SPOCK1: variants seen among roughly 807,000 people sequenced by gnomAD.
The protein encoded by SPOCK1 is testican-1.
A neutral mutation model predicts 55.3 loss-of-function variants in SPOCK1; 23 were observed. The ratio of observed to expected loss-of-function variants is 0.42; its 90% CI spans 0.30 to 0.59. The LOEUF (loss-of-function observed/expected upper bound fraction) is 0.59, where lower values mean the gene tolerates loss of function less well. SPOCK1 is among the 20% of genes least tolerant of loss of function. SPOCK1 has a pLI of 0.22. For missense variants in SPOCK1, 499 were observed against 552.5 expected (o/e 0.90, Z 0.97); for synonymous variants, 226 against 221.0 (o/e 1.02, Z -0.20).
intron 2 of SPOCK1, among the ~76,000 whole-genome samples, chr5:137,300,222 A>G (rs1292935905): frequency 6.6e-6 from 1 of 152,108 alleles, no homozygotes; most frequent in Non-Finnish European, 1.5e-5. Context: ...TAGAATTTTC[A>G]TTTTTAAAAT....
intron 5 of SPOCK1, 93 bp downstream of exon 5, chr5:137,112,342 C>T (rs752861549): frequency 1.4e-4 from 218 of 1,508,062 alleles, no homozygotes; most frequent in Non-Finnish European, 1.8e-4. Context: ...TGGAGCCCAC[C>T]ACGCTTCCCA....
At chr5:137,084,394 C>T (rs1299460354) in intron 5 of SPOCK1, among the ~76,000 whole-genome samples, 3 of 151,970 alleles carry the variant, frequency 2.0e-5, no homozygotes, top group African/African-American at 7.3e-5. Context: ...CCCATTCAAC[C>T]TGGGGCCATG....
chr5:137,053,544 A>C (rs185159688), intron 6 of SPOCK1, among the ~76,000 whole-genome samples: 95 of 152,076 alleles, frequency 6.2e-4, no homozygotes, highest in African/African-American at 2.1e-3. Context: ...ATGGGGATTT[A>C]CTTTGTGACA....
intron 2 of SPOCK1, among the ~76,000 whole-genome samples, chr5:137,313,036 G>C (rs1026111507): frequency 3.9e-5 from 6 of 152,090 alleles, no homozygotes; most frequent in African/African-American, 1.4e-4. Flanking sequence ...TCCCCGTGCA[G>C]CTCCTACAGT....
chr5:137,160,604 TATAA>T (rs1561631774), intron 3 of SPOCK1, among the ~76,000 whole-genome samples: 1,303 of 78,974 alleles, frequency 0.016, 90 homozygotes, highest in African/African-American at 0.061. Flanking sequence ...ATATATTATA[TATAA>T]TATATAATAT....
At chr5:137,268,896 G>T (rs912377828) in intron 2 of SPOCK1, among the ~76,000 whole-genome samples, 2 of 152,180 alleles carry the variant, frequency 1.3e-5, no homozygotes, top group Non-Finnish European at 2.9e-5. Flanking sequence ...AACAGGGAAG[G>T]GCTGGAACCA....
Position 137,218,968 on chromosome 5 carries a change from G to T in SPOCK1, c.232+48042C>A, listed in dbSNP as rs575567269. On this transcript the variant is annotated intron_variant, in intron 3 of 10. Transcript: ENST00000394945. Reference sequence around the variant, plus strand: ...GCTGAAGTGGGACAGACAAAATGCAGGGTCCCCACCAAGGCACTCCTTTGT... The same window carrying T: ...GCTGAAGTGGGACAGACAAAATGCATGGTCCCCACCAAGGCACTCCTTTGT... Among the ~76,000 whole-genome samples the T allele has an allele frequency of 5.9e-5, 9 of 152,306 alleles. 1 individual carries two copies. The Middle Eastern group carries it at 0.02, about 345-fold the overall frequency.
At chr5:137,400,683 G>A (rs750364472) in intron 2 of SPOCK1, among the ~76,000 whole-genome samples, 1 of 152,166 alleles carries the variant, frequency 6.6e-6, no homozygotes, top group Non-Finnish European at 1.5e-5. Flanking sequence ...CCATCAAATG[G>A]TCCTTGCAGG....
intron 6 of SPOCK1, among the ~76,000 whole-genome samples, chr5:137,059,651 A>T (rs1752360185): frequency 6.6e-6 from 1 of 152,254 alleles, no homozygotes; most frequent in South Asian, 2.1e-4. Context: ...GTAAATAGAC[A>T]TCAACAGAGT....
At chr5:137,399,227 T>C (rs1751922958) in intron 2 of SPOCK1, among the ~76,000 whole-genome samples, 2 of 152,190 alleles carry the variant, frequency 1.3e-5, no homozygotes, top group South Asian at 4.1e-4. Context: ...CTAGTAACCT[T>C]AATAACTAAT....
At chr5:137,147,004 T>G (rs1754209170) in intron 3 of SPOCK1, among the ~76,000 whole-genome samples, 1 of 152,152 alleles carries the variant, frequency 6.6e-6, no homozygotes, top group Non-Finnish European at 1.5e-5. Flanking sequence ...GGAAGAGACC[T>G]TTTCTTTCCC....
chr5:137,341,719 G>A (rs1382363265), intron 2 of SPOCK1, among the ~76,000 whole-genome samples: 1 of 152,188 alleles, frequency 6.6e-6, no homozygotes, highest in Non-Finnish European at 1.5e-5. Context: ...CTTGCTGAGA[G>A]TAGAGACGAC....
At chr5:137,036,018 G>C (rs1751878248) in intron 6 of SPOCK1, among the ~76,000 whole-genome samples, 1 of 152,172 alleles carries the variant, frequency 6.6e-6, no homozygotes, top group African/African-American at 2.4e-5. Flanking sequence ...CAGAAAAGGG[G>C]AGGTGTCCTC....
chr5:137,219,316 G>A (rs1156501240), intron 3 of SPOCK1, among the ~76,000 whole-genome samples: 1 of 152,198 alleles, frequency 6.6e-6, no homozygotes, highest in Non-Finnish European at 1.5e-5. Context: ...ACTCTTCCTT[G>A]TGAGAGGTGG....
chr5:137,223,716 A>C (rs9327779), intron 3 of SPOCK1, among the ~76,000 whole-genome samples: 2,997 of 152,314 alleles, frequency 0.02, 96 homozygotes, highest in African/African-American at 0.069. Context: ...TCAAACATGT[A>C]AGGTTGTACA....
At chr5:137,440,605 C>A (rs1752980330) in intron 2 of SPOCK1, among the ~76,000 whole-genome samples, 1 of 152,220 alleles carries the variant, frequency 6.6e-6, no homozygotes, top group South Asian at 2.1e-4. Context: ...TTGCTACGAG[C>A]AATCATCTTA....
At chr5:137,003,531 G>A (rs972011207) in intron 6 of SPOCK1, among the ~76,000 whole-genome samples, 6 of 152,066 alleles carry the variant, frequency 3.9e-5, no homozygotes, top group East Asian at 1.9e-4. Context: ...AGGTAGCACC[G>A]CTTGTTCCAG....
chr5:137,182,827 T>C (rs2127065209), intron 3 of SPOCK1, among the ~76,000 whole-genome samples: 1 of 152,240 alleles, frequency 6.6e-6, no homozygotes, highest in East Asian at 1.9e-4. Context: ...GCTGAAACTC[T>C]CCTCCCCTCT....
intron 6 of SPOCK1, among the ~76,000 whole-genome samples, chr5:136,993,384 G>A (rs1750984616): frequency 6.6e-6 from 1 of 152,154 alleles, no homozygotes; most frequent in South Asian, 2.1e-4. Context: ...ATGGTGCAGA[G>A]AAGGGAGTTG....
Sources: gnomAD v4.1 joint callset for allele counts (sites outside exome capture counted in the v4.1 genomes callset) on GRCh38, gnomAD v4.1.1 for gene constraint, MANE v1.5 for transcripts, NCBI Gene and HGNC (gene_info 2026-07-23, HGNC 2026-07-21) for gene names.